The following EXOC4 variants were observed in gnomAD, a reference collection of about 807,000 sequenced individuals.
EXOC4 encodes SEC8-like 1.
In EXOC4, 71 loss-of-function variants were observed where a neutral mutation model predicts 107.2. The ratio of observed to expected loss-of-function variants is 0.66; its 90% CI spans 0.55 to 0.81. EXOC4 has a LOEUF of 0.81. Ranked by LOEUF, EXOC4 falls within the 30% of genes least tolerant of loss-of-function variation. The probability of loss-of-function intolerance (pLI) is 0.00; values close to 1 mark genes in which losing one functional copy is unlikely to be tolerated. For missense variants in EXOC4, 1,108 were observed against 1,189.6 expected, an observed-to-expected ratio of 0.93 and a Z score of 1.01; for synonymous variants, 456 against 441.2, an observed-to-expected ratio of 1.03 and a Z score of -0.42.
intron 9 of EXOC4, among the ~76,000 whole-genome samples, chr7:133,526,314 C>T (rs752415424): frequency 6.6e-6 from 1 of 152,104 alleles, no homozygotes. Flanking sequence ...ATTTATAAAT[C>T]TTGATGACTC....
intron 11 of EXOC4, among the ~76,000 whole-genome samples, chr7:133,881,297 A>G (rs943545144): frequency 1.1e-5 from 1 of 87,020 alleles, no homozygotes; most frequent in Non-Finnish European, 2.2e-5. Context: ...TACCCCCTTC[A>G]CCCCAGCCAT....
At position 133,267,545 on chromosome 7, in the gene EXOC4, T is replaced by A. The variant is rs149418377; in HGVS notation, c.87-7437T>A. Among the ~76,000 whole-genome samples, 316 of 152,268 alleles carry A rather than the reference T, an allele frequency of 2.1e-3. 1 individual carries two copies. The highest frequency in any genetic ancestry group is 7.5e-3 in the African/African-American group (310 of 41,538). ...CCTGGCCTCCTTATGTGAAGTAGCC[T>A]CCTTCCTCCTTGCCTGTCTTGGCTT... On this transcript the variant is annotated intron_variant, in intron 1 of 17. Coordinates refer to ENST00000253861, the MANE Select transcript of EXOC4 (RefSeq NM_021807.4).
intron 14 of EXOC4, among the ~76,000 whole-genome samples, chr7:133,953,634 A>C (rs999969123): frequency 1.3e-5 from 2 of 152,112 alleles, no homozygotes; most frequent in African/African-American, 4.8e-5. Flanking sequence ...CCAGCAACAG[A>C]GAAAGACCCT....
intron 14 of EXOC4, among the ~76,000 whole-genome samples, chr7:133,949,804 T>C (rs1800648051): frequency 6.6e-6 from 1 of 152,210 alleles, no homozygotes; most frequent in South Asian, 2.1e-4. Context: ...TCTTCAGAAT[T>C]GGATTTTATA....
At chr7:133,970,394 A>C (rs1801178109) in intron 14 of EXOC4, among the ~76,000 whole-genome samples, 1 of 149,480 alleles carries the variant, frequency 6.7e-6, no homozygotes, top group Non-Finnish European at 1.5e-5. Flanking sequence ...CTGTGGTATG[A>C]AAAAAAAAAT....
At chr7:133,582,058 C>G (rs566150414) in intron 9 of EXOC4, among the ~76,000 whole-genome samples, 67 of 152,248 alleles carry the variant, frequency 4.4e-4, no homozygotes, top group Middle Eastern at 3.4e-3. Context: ...CCTCCCCTGA[C>G]ATGTGGGGAT....
chr7:133,398,922 A>G (rs1024159950), intron 7 of EXOC4, among the ~76,000 whole-genome samples: 5 of 152,192 alleles, frequency 3.3e-5, no homozygotes, highest in African/African-American at 1.2e-4. Context: ...TTTTAATTAC[A>G]TTTATAAAGG....
intron 7 of EXOC4, among the ~76,000 whole-genome samples, chr7:133,463,786 C>T (rs950170002): frequency 2.3e-4 from 35 of 151,978 alleles, no homozygotes; most frequent in East Asian, 2.1e-3. Context: ...TTTATTGTAG[C>T]GCAAAGGGGA....
chr7:133,444,609 G>C (rs1343175058), intron 7 of EXOC4, among the ~76,000 whole-genome samples: 1 of 152,170 alleles, frequency 6.6e-6, no homozygotes, highest in African/African-American at 2.4e-5. Context: ...GGTGTGATTT[G>C]TTCTGGAGGT....
chr7:134,089,612 C>G, the EXOC4 span, among the ~76,000 whole-genome samples: 1 of 152,076 alleles, frequency 6.6e-6, no homozygotes, highest in Non-Finnish European at 1.5e-5. Context: ...ATTTAGGAGG[C>G]CTAATCACCT....
At chr7:133,301,556 G>T (rs1297899257) in intron 3 of EXOC4, among the ~76,000 whole-genome samples, 1 of 152,144 alleles carries the variant, frequency 6.6e-6, no homozygotes, top group Non-Finnish European at 1.5e-5. Flanking sequence ...AGTCCTCAAA[G>T]AAATATTTGT....
chr7:133,393,516 C>T (rs1272165197), intron 7 of EXOC4, among the ~76,000 whole-genome samples: 1 of 152,122 alleles, frequency 6.6e-6, no homozygotes, highest in Non-Finnish European at 1.5e-5. Flanking sequence ...CCCCCTACCC[C>T]ATATTCATAT....
At chr7:133,691,103 A>G (rs537307973) in intron 10 of EXOC4, among the ~76,000 whole-genome samples, 40 of 152,196 alleles carry the variant, frequency 2.6e-4, no homozygotes, top group Admixed American at 1.3e-4. Context: ...TGAGCAGCAT[A>G]TTTTAGGGTA....
intron 10 of EXOC4, 86 bp downstream of exon 10, chr7:133,630,227 C>T: frequency 1.0e-6 from 1 of 1,000,666 alleles, no homozygotes. Context: ...GTTGAGTCAG[C>T]ACTGAAACAA....
intron 10 of EXOC4, among the ~76,000 whole-genome samples, chr7:133,815,106 A>G (rs1797334259): frequency 6.6e-6 from 1 of 152,156 alleles, no homozygotes; most frequent in South Asian, 2.1e-4. Flanking sequence ...TCATGACTTT[A>G]AAATTTTTTA....
At chr7:133,450,426 G>GGAT (rs1798315504) in intron 7 of EXOC4, among the ~76,000 whole-genome samples, 2 of 152,198 alleles carry the variant, frequency 1.3e-5, no homozygotes, top group African/African-American at 2.4e-5. Flanking sequence ...GCCTCCCAAA[G>GGAT]TACTGGGATT....
chr7:133,735,082 C>T (rs1051354847), intron 10 of EXOC4, among the ~76,000 whole-genome samples: 29 of 147,588 alleles, frequency 2.0e-4, no homozygotes, highest in African/African-American at 6.7e-4. Context: ...AAAAATTAGC[C>T]GGGCATGATG....
chr7:133,794,967 G>A (rs1321540630), intron 10 of EXOC4, among the ~76,000 whole-genome samples: 14 of 125,466 alleles, frequency 1.1e-4, no homozygotes, highest in African/African-American at 3.9e-4. Context: ...AACAGGCCCC[G>A]GTGTGTGATG....
chr7:133,633,714 A>G (rs1367328462), intron 10 of EXOC4, among the ~76,000 whole-genome samples: 1 of 152,016 alleles, frequency 6.6e-6, no homozygotes, highest in Admixed American at 6.6e-5. Flanking sequence ...GCGAAACTCC[A>G]TCTCAAAAAT....
Sources: allele counts gnomAD v4.1 joint callset (sites outside exome capture counted in the v4.1 genomes callset), GRCh38; gene constraint gnomAD v4.1.1; transcripts MANE v1.5; gene names NCBI Gene and HGNC (gene_info 2026-07-23, HGNC 2026-07-21).